Variants in MICU1 observed in about 807,000 individuals in gnomAD.
The protein encoded by MICU1 is mitochondrial calcium uptake 1.
A neutral mutation model predicts 56.8 loss-of-function variants in MICU1; 45 were observed. The observed-to-expected ratio is 0.79, with a 90% CI of 0.62 to 1.02. MICU1 has a LOEUF of 1.02. MICU1 is among the 50% of genes least tolerant of loss of function. The pLI, the probability that MICU1 is intolerant of heterozygous loss-of-function variation, is 0.00. For synonymous variants in MICU1, 186 were observed against 195.1 expected (o/e 0.95, Z 0.39); for missense variants, 504 against 587.1 (o/e 0.86, Z 1.46).
chr10:72,551,288 G>A lies in MICU1; in HGVS notation c.384C>T (p.Phe128=). The A allele has an allele frequency of 6.2e-7, 1 of 1,613,404 alleles. No individual in the cohort carries two copies. ...IRAYSTPDKI[F]RYFATLKVIS... ...TGACTTTCAAGGTGGCAAAATATCG[G>A]AAGATTTTGTCTGGCGTGGAGTAGG... Residue 128 remains phenylalanine, a synonymous_variant, in exon 4 of 12, where the codon TTC becomes TTT. Coordinates refer to ENST00000361114, the MANE Select transcript of MICU1 (RefSeq NM_001195518.2).
intron 1 of MICU1, among the ~76,000 whole-genome samples, chr10:72,603,617 C>T (rs1247004149): frequency 1.3e-5 from 2 of 151,880 alleles, no homozygotes; most frequent in Non-Finnish European, 2.9e-5. Flanking sequence ...CCAGCCTGAC[C>T]AACATAGAGA....
chr10:72,458,704 GTTTTT>G (rs58623292), intron 8 of MICU1, among the ~76,000 whole-genome samples: 3 of 142,886 alleles, frequency 2.1e-5, no homozygotes, highest in Non-Finnish European at 3.0e-5. Flanking sequence ...TGCGGTTCCT[GTTTTT>G]TTTTTTTTTT....
At chr10:72,419,916 A>G (rs756523465) in intron 9 of MICU1, among the ~76,000 whole-genome samples, 2 of 152,136 alleles carry the variant, frequency 1.3e-5, no homozygotes, top group African/African-American at 2.4e-5. Context: ...CGTGGAAGGG[A>G]CCTGGTGAAA....
intron 1 of MICU1, among the ~76,000 whole-genome samples, chr10:72,592,461 A>T (rs1841255111): frequency 6.6e-6 from 1 of 152,234 alleles, no homozygotes; most frequent in Non-Finnish European, 1.5e-5. Flanking sequence ...AAGAGGAAAC[A>T]CTTCCTAACT....
intron 1 of MICU1, among the ~76,000 whole-genome samples, chr10:72,620,623 T>G (rs192268884): frequency 6.6e-6 from 1 of 152,328 alleles, no homozygotes; most frequent in African/African-American, 2.4e-5. Context: ...AAAACCCATC[T>G]TGAACTTAAT....
intron 3 of MICU1, among the ~76,000 whole-genome samples, chr10:72,561,994 C>T (rs1205858723): frequency 6.6e-6 from 1 of 152,102 alleles, no homozygotes; most frequent in Non-Finnish European, 1.5e-5. Flanking sequence ...TTAACCTTGA[C>T]ATGCAAAATG....
Position 72,406,783 on chromosome 10 carries a change from C to G in MICU1, c.1180+1146G>C, listed in dbSNP as rs145989226. Among the ~76,000 whole-genome samples, 959 of 152,036 alleles carry G rather than the reference C, an allele frequency of 6.3e-3. 8 individuals are homozygous for G. Among genetic ancestry groups the G allele is most frequent in the East Asian group, 0.034 (173 of 5,162 alleles). On this transcript the variant is annotated intron_variant, in intron 10 of 11. Coordinates refer to ENST00000361114, the MANE Select transcript of MICU1 (RefSeq NM_001195518.2). ...CTGGGACTACAGGCATACACCACCA[C>G]GCCTGGCTAATTTTTGCAATTTTAG...
chr10:72,401,901 T>G (rs1394721996), intron 10 of MICU1, among the ~76,000 whole-genome samples: 4 of 152,106 alleles, frequency 2.6e-5, no homozygotes, highest in Non-Finnish European at 4.4e-5. Flanking sequence ...GGACCACCAT[T>G]CTACTTTCTG....
chr10:72,419,932 T>C (rs75820528), intron 9 of MICU1, among the ~76,000 whole-genome samples: 2,595 of 152,286 alleles, frequency 0.017, 20 homozygotes, highest in Non-Finnish European at 0.024. Flanking sequence ...TGAAAGGTAA[T>C]TGAATCATGA....
intron 9 of MICU1, among the ~76,000 whole-genome samples, chr10:72,421,016 AAATAATAATAAT>A (rs1554865352): frequency 8.1e-6 from 1 of 124,134 alleles, no homozygotes; most frequent in African/African-American, 2.9e-5. Context: ...AAAAAAAAAA[AAATAATAATAAT>A]AATAATAATA....
intron 8 of MICU1, among the ~76,000 whole-genome samples, chr10:72,456,802 C>T (rs917735401): frequency 6.6e-6 from 1 of 151,818 alleles, no homozygotes; most frequent in Non-Finnish European, 1.5e-5. Context: ...AATCCTTCCA[C>T]CCCAGCTTCC....
At chr10:72,459,777 A>G (rs1247100568) in intron 8 of MICU1, among the ~76,000 whole-genome samples, 1 of 152,220 alleles carries the variant, frequency 6.6e-6, no homozygotes, top group Non-Finnish European at 1.5e-5. Context: ...AATTGCCTGT[A>G]GAGAAAGCTA....
intron 8 of MICU1, among the ~76,000 whole-genome samples, chr10:72,426,058 T>C (rs1185820720): frequency 6.6e-6 from 1 of 152,128 alleles, no homozygotes; most frequent in African/African-American, 2.4e-5. Context: ...GTTGTTGTTG[T>C]CCAGGCTGGA....
rs557948216 is a variant in MICU1 at position 72,423,130 on chromosome 10, C to A, written c.1071+104G>T. On this transcript the variant is annotated intron_variant, in intron 9 of 11. Transcript: ENST00000361114. ...GTACCAGAAATGAATTAGGTGTAAT[C>A]ATTGGTTCATGAAATACTCTCATCA... 130 of 1,438,548 alleles carry A rather than the reference C, an allele frequency of 9.0e-5. No homozygotes were observed. In the African/African-American group the frequency reaches 1.6e-3, roughly 18 times the overall value. 89.1% of individuals were successfully genotyped at this position (1,438,548 alleles called of 1,614,324 possible).
chr10:72,577,829 CATGG>C (rs1453448836), intron 1 of MICU1, among the ~76,000 whole-genome samples: 22 of 152,192 alleles, frequency 1.4e-4, no homozygotes, highest in African/African-American at 4.8e-4. Context: ...CAGCCATCAA[CATGG>C]ATGAACTTTG....
intron 1 of MICU1, among the ~76,000 whole-genome samples, chr10:72,605,097 C>T (rs540542010): frequency 2.3e-4 from 35 of 152,266 alleles, no homozygotes; most frequent in Non-Finnish European, 2.9e-4. Flanking sequence ...ACAAAGACCC[C>T]GCTAATAAAA....
chr10:72,386,690 G>A (rs1263385027), intron 10 of MICU1, among the ~76,000 whole-genome samples: 1 of 151,310 alleles, frequency 6.6e-6, no homozygotes, highest in African/African-American at 2.4e-5. Flanking sequence ...CTCCTAAGTA[G>A]TTGGGACTAG....
intron 10 of MICU1, among the ~76,000 whole-genome samples, chr10:72,378,760 G>A (rs546460260): frequency 5.9e-5 from 9 of 152,282 alleles, no homozygotes; most frequent in South Asian, 2.1e-4. Context: ...CACCACCAAC[G>A]TGCTGTGTGA....
rs10586216 is a variant in MICU1, at chr10:72,465,503, C to CTTT, written c.933+9594_933+9596dup. Among the ~76,000 whole-genome samples the CTTT allele has an allele frequency of 9.9e-4, 57 of 57,760 alleles. 5 individuals are homozygous for CTTT. Among genetic ancestry groups the CTTT allele is most frequent in the African/African-American group, 2.7e-3 (55 of 20,672 alleles). The allele number at this position is 57,760 out of a possible 152,430, so 37.9% of individuals were successfully genotyped here. On this transcript the variant is annotated intron_variant, in intron 8 of 11. Transcript: ENST00000361114. ...ACATGGAACATGTTTCTGTTCAGGT[C>CTTT]TTTTTTTTTTTTTTTTTTTTTTTTT...
Sources: allele counts gnomAD v4.1 joint callset (sites outside exome capture counted in the v4.1 genomes callset), GRCh38; gene constraint gnomAD v4.1.1; transcripts MANE v1.5; gene names NCBI Gene and HGNC (gene_info 2026-07-23, HGNC 2026-07-21).